Variants in RUNDC3B observed in about 807,000 individuals in gnomAD.
The protein encoded by RUNDC3B is RUN domain-containing protein 3B.
A neutral mutation model predicts 58.4 loss-of-function variants in RUNDC3B; 33 were observed. That is an observed-to-expected ratio of 0.56 (90% CI 0.43 to 0.75). RUNDC3B has a LOEUF of 0.75. Ranked by LOEUF, RUNDC3B falls within the 30% of genes least tolerant of loss-of-function variation. The pLI is 0.00. For synonymous variants in RUNDC3B, 193 were observed against 195.2 expected, an observed-to-expected ratio of 0.99 and a Z score of 0.10; for missense variants, 501 against 535.7, an observed-to-expected ratio of 0.94 and a Z score of 0.64.
At chr7:87,686,255 G>C (rs1333016768) in intron 2 of RUNDC3B, among the ~76,000 whole-genome samples, 1 of 152,096 alleles carries the variant, frequency 6.6e-6, no homozygotes, top group Non-Finnish European at 1.5e-5. Flanking sequence ...AGATTAATAA[G>C]GTATGCTTTC....
chr7:87,713,557 A>G (rs910312329), intron 4 of RUNDC3B, among the ~76,000 whole-genome samples: 8 of 152,038 alleles, frequency 5.3e-5, no homozygotes, highest in Non-Finnish European at 1.2e-4. Flanking sequence ...TCGAAGAGTT[A>G]CATGGCTTAG....
intron 2 of RUNDC3B, among the ~76,000 whole-genome samples, chr7:87,698,460 T>A (rs1828704950): frequency 6.6e-6 from 1 of 152,254 alleles, no homozygotes. Flanking sequence ...TAGATGCATT[T>A]GTTTTTATTT....
intron 1 of RUNDC3B, among the ~76,000 whole-genome samples, chr7:87,645,349 G>A (rs1822898389): frequency 1.3e-5 from 2 of 152,146 alleles, no homozygotes; most frequent in South Asian, 4.1e-4. Flanking sequence ...CTCCCAAAGT[G>A]CAGGTATTAC....
At chr7:87,709,013 A>T (rs893368685) in intron 3 of RUNDC3B, among the ~76,000 whole-genome samples, 15 of 152,066 alleles carry the variant, frequency 9.9e-5, no homozygotes, top group Non-Finnish European at 1.5e-5. Context: ...AAGTTGTTCT[A>T]CTTCTTGGCC....
At chr7:87,686,565 G>A (rs6957599) in intron 2 of RUNDC3B, among the ~76,000 whole-genome samples, 7,349 of 152,166 alleles carry the variant, frequency 0.048, 265 homozygotes, top group East Asian at 0.09. Flanking sequence ...CAGAGACAAC[G>A]TTGTAAACTT....
intron 8 of RUNDC3B, among the ~76,000 whole-genome samples, chr7:87,786,825 T>C (rs1047000836): frequency 6.6e-6 from 1 of 152,180 alleles, no homozygotes; most frequent in Non-Finnish European, 1.5e-5. Context: ...ACCTGAGTTA[T>C]GATTCTGTCG....
intron 4 of RUNDC3B, among the ~76,000 whole-genome samples, chr7:87,733,611 C>T (rs926893045): frequency 2.0e-5 from 3 of 152,170 alleles, no homozygotes; most frequent in African/African-American, 7.2e-5. Context: ...TTGTGGAAGA[C>T]AGTGTTTCCA....
intron 10 of RUNDC3B, among the ~76,000 whole-genome samples, chr7:87,821,255 CAG>C (rs1222020243): frequency 2.0e-5 from 3 of 151,974 alleles, no homozygotes; most frequent in South Asian, 2.1e-4. Context: ...AACAGACAAA[CAG>C]AGAGCGAAAT....
rs1198435488 is a variant in RUNDC3B, at chr7:87,831,579, A to G, written c.*1549A>G. 6.6e-6 allele frequency: 1 copy of G among 151,916 alleles called. No homozygotes were observed. The highest frequency in any genetic ancestry group is 1.5e-5 in the Non-Finnish European group (1 of 67,850). 9.4% of individuals were successfully genotyped at this position (151,916 alleles called of 1,614,324 possible). A position where few individuals can be genotyped will look rare whatever the true frequency, so the allele number is the denominator to read the frequency against. ...AGGCTTCAATACTTGTAGAAATGCA[A>G]ATATTCTTGAGAAATGATACATTTT... On this transcript the variant is annotated 3_prime_UTR_variant, in exon 11 of 11. Coordinates refer to ENST00000394654, the MANE Select transcript of RUNDC3B (RefSeq NM_001134405.2).
intron 8 of RUNDC3B, among the ~76,000 whole-genome samples, chr7:87,779,060 C>T (rs1007107306): frequency 2.6e-5 from 4 of 152,114 alleles, no homozygotes; most frequent in Non-Finnish European, 5.9e-5. Flanking sequence ...AGGTTGCATA[C>T]ATTATGGTCC....
At chr7:87,677,856 A>G (rs896099006) in intron 2 of RUNDC3B, among the ~76,000 whole-genome samples, 3 of 152,226 alleles carry the variant, frequency 2.0e-5, no homozygotes, top group Non-Finnish European at 4.4e-5. Flanking sequence ...AGGGTTTTCA[A>G]CAGGAACCAT....
At position 87,763,052 on chromosome 7, in the gene RUNDC3B, C is replaced by T. The variant is rs1281746724; in HGVS notation, c.630-7529C>T. ...TGCCTTTTACAAATTTCTCTTTTCC[C>T]TCATTTTATTCCTCTACCAGTTTAA... On this transcript the variant is annotated intron_variant, in intron 6 of 10. Transcript: ENST00000394654. Among the ~76,000 whole-genome samples the T allele has an allele frequency of 4.0e-5, 6 of 151,322 alleles. 1 individual carries two copies. Among genetic ancestry groups the T allele is most frequent in the Admixed American group, 4.0e-4 (6 of 15,144 alleles).
chr7:87,762,878 T>TA (rs151128437), intron 6 of RUNDC3B, among the ~76,000 whole-genome samples: 16 of 150,640 alleles, frequency 1.1e-4, no homozygotes, highest in Middle Eastern at 3.4e-3. Flanking sequence ...TAACTGGAAT[T>TA]AAAAAAAAAC....
intron 1 of RUNDC3B, among the ~76,000 whole-genome samples, chr7:87,636,604 G>C (rs2130248047): frequency 6.6e-6 from 1 of 152,268 alleles, no homozygotes; most frequent in South Asian, 2.1e-4. Flanking sequence ...AATGCTTACT[G>C]TAATGTCTTT....
chr7:87,680,795 A>C lies in RUNDC3B; in HGVS notation c.239-19626A>C, dbSNP rs963555274. 7.3e-5 allele frequency among the ~76,000 whole-genome samples: 11 copies of C among 150,394 alleles called. 1 individual carries two copies. The highest frequency in any genetic ancestry group is 2.7e-4 in the African/African-American group (11 of 40,476). On this transcript the variant is annotated intron_variant, in intron 2 of 10. Coordinates refer to ENST00000394654, the MANE Select transcript of RUNDC3B (RefSeq NM_001134405.2). ...GGGCAAGGAGTGAAACTCCATCTCA[A>C]AAAAAAGAAAAGAAAAGAAAAAAGA...
chr7:87,795,830 C>T (rs1212026767), intron 8 of RUNDC3B, among the ~76,000 whole-genome samples: 2 of 152,070 alleles, frequency 1.3e-5, no homozygotes, highest in South Asian at 4.1e-4. Flanking sequence ...GTAGAGGTTG[C>T]AGTGAGCCAA....
At chr7:87,701,084 A>G (rs994070816) in intron 3 of RUNDC3B, among the ~76,000 whole-genome samples, 1 of 152,254 alleles carries the variant, frequency 6.6e-6, no homozygotes, top group Non-Finnish European at 1.5e-5. Context: ...TAAAATGGGA[A>G]GTATGCATAA....
intron 2 of RUNDC3B, among the ~76,000 whole-genome samples, chr7:87,659,935 C>T (rs926820103): frequency 6.6e-6 from 1 of 152,038 alleles, no homozygotes; most frequent in African/African-American, 2.4e-5. Context: ...TGTTAAATCA[C>T]CTAAATATTC....
intron 1 of RUNDC3B, among the ~76,000 whole-genome samples, chr7:87,642,402 A>T (rs1054994443): frequency 6.6e-5 from 10 of 152,140 alleles, no homozygotes; most frequent in African/African-American, 2.2e-4. Context: ...ATGTTAAAGT[A>T]TTCTATTTGA....
Sources: allele counts gnomAD v4.1 joint callset (sites outside exome capture counted in the v4.1 genomes callset), GRCh38; gene constraint gnomAD v4.1.1; transcripts MANE v1.5; gene names NCBI Gene and HGNC (gene_info 2026-07-23, HGNC 2026-07-21).